SLC25A21: variants seen among roughly 807,000 people sequenced by gnomAD.
The protein encoded by SLC25A21 is solute carrier family 25 member 21.
Under a neutral mutation model 43.8 loss-of-function variants are expected in SLC25A21, and 47 were observed. The ratio of observed to expected loss-of-function variants is 1.07; its 90% CI spans 0.85 to 1.37. SLC25A21 has a LOEUF of 1.37. Among genes scored for constraint, SLC25A21 ranks in the 40% most tolerant of loss-of-function variants. The pLI, the probability that SLC25A21 is intolerant of heterozygous loss-of-function variation, is 0.00. For synonymous variants in SLC25A21, 131 were observed against 121.3 expected (o/e 1.08, Z -0.52); for missense variants, 352 against 350.2 (o/e 1.00, Z -0.04).
At chr14:37,120,304 C>T (rs567378558) in intron 1 of SLC25A21, among the ~76,000 whole-genome samples, 2 of 152,172 alleles carry the variant, frequency 1.3e-5, no homozygotes, top group South Asian at 2.1e-4. Flanking sequence ...GGCTTTAGAC[C>T]TTTTCATAAA....
intron 1 of SLC25A21, among the ~76,000 whole-genome samples, chr14:37,112,173 AG>A (rs757115937): frequency 3.5e-4 from 53 of 152,078 alleles, no homozygotes; most frequent in Non-Finnish European, 2.9e-5. Flanking sequence ...AAAGGATTAA[AG>A]GTGATAGGGC....
chr14:36,893,474 T>G (rs1282761340), intron 1 of SLC25A21, among the ~76,000 whole-genome samples: 1 of 152,190 alleles, frequency 6.6e-6, no homozygotes, highest in African/African-American at 2.4e-5. Flanking sequence ...TTGCAAAAAT[T>G]TTCTCCCATT....
At chr14:36,944,250 C>A (rs1892632212) in intron 1 of SLC25A21, among the ~76,000 whole-genome samples, 1 of 152,096 alleles carries the variant, frequency 6.6e-6, no homozygotes, top group South Asian at 2.1e-4. Flanking sequence ...AAACCCATAG[C>A]CTGCCATTAA....
chr14:36,997,934 C>G (rs1256379844), intron 1 of SLC25A21, among the ~76,000 whole-genome samples: 2 of 152,056 alleles, frequency 1.3e-5, no homozygotes, highest in Non-Finnish European at 2.9e-5. Flanking sequence ...AACGTGATAT[C>G]ATCGTTTTAC....
In SLC25A21 at chr14:36,766,290, T is replaced by C. The variant is rs1356198060; in HGVS notation, c.204-31717A>G. Among the ~76,000 whole-genome samples, 3 of 152,256 alleles carry C rather than the reference T, an allele frequency of 2.0e-5. No homozygotes were observed. In the East Asian group the frequency reaches 5.8e-4, roughly 29 times the overall value. On this transcript the variant is annotated intron_variant, in intron 3 of 9. Transcript: ENST00000331299. The stretch of plus-strand genomic sequence containing the variant: ...TACACCCAGGGAAGGTATTACTTTA[T>C]ACAATATTGTTTTAATTAAAAATAT...
intron 1 of SLC25A21, among the ~76,000 whole-genome samples, chr14:36,964,912 A>G (rs925240604): frequency 9.2e-5 from 14 of 152,124 alleles, no homozygotes; most frequent in Admixed American, 7.2e-4. Flanking sequence ...TGTTTTATTA[A>G]TTTAGTTTTT....
chr14:36,963,576 C>G, intron 1 of SLC25A21, among the ~76,000 whole-genome samples: 1 of 152,166 alleles, frequency 6.6e-6, no homozygotes, highest in East Asian at 1.9e-4. Flanking sequence ...TCTGAACCTT[C>G]TCAGTAGAAG....
intron 6 of SLC25A21, among the ~76,000 whole-genome samples, chr14:36,715,031 A>G (rs1870832745): frequency 6.6e-6 from 1 of 152,244 alleles, no homozygotes; most frequent in African/African-American, 2.4e-5. Flanking sequence ...TGCTGCTGAT[A>G]AATGGCTTAA....
intron 1 of SLC25A21, among the ~76,000 whole-genome samples, chr14:36,959,441 C>G (rs950273718): frequency 1.3e-5 from 2 of 152,162 alleles, no homozygotes; most frequent in Non-Finnish European, 2.9e-5. Flanking sequence ...TGCTGCTTCA[C>G]CTGCTTTTAC....
intron 7 of SLC25A21, among the ~76,000 whole-genome samples, chr14:36,685,356 C>A (rs1416764978): frequency 6.6e-6 from 1 of 152,162 alleles, no homozygotes; most frequent in Non-Finnish European, 1.5e-5. Flanking sequence ...TGTGTGTGGA[C>A]CCCCAAATGT....
intron 1 of SLC25A21, among the ~76,000 whole-genome samples, chr14:36,907,631 T>C (rs1230788430): frequency 2.0e-5 from 3 of 152,134 alleles, no homozygotes; most frequent in African/African-American, 4.8e-5. Flanking sequence ...ATAGGCGTTT[T>C]TGAAGATGGA....
chr14:37,155,287 T>G (rs1963829419), intron 1 of SLC25A21, among the ~76,000 whole-genome samples: 1 of 152,088 alleles, frequency 6.6e-6, no homozygotes. Flanking sequence ...TTCATGACAT[T>G]TGGGGCAACA....
chr14:36,939,611 T>A (rs1892507668), intron 1 of SLC25A21, among the ~76,000 whole-genome samples: 1 of 152,122 alleles, frequency 6.6e-6, no homozygotes. Flanking sequence ...TGCTGTCCTA[T>A]GTGAGAGAAA....
chr14:36,791,679 GA>G (rs1464634061), intron 3 of SLC25A21, among the ~76,000 whole-genome samples: 2 of 152,110 alleles, frequency 1.3e-5, no homozygotes, highest in Non-Finnish European at 2.9e-5. Flanking sequence ...TTATTTTAAG[GA>G]AAAGTTAATA....
chr14:36,856,313 G>A (rs533379418), intron 2 of SLC25A21, among the ~76,000 whole-genome samples: 1 of 152,266 alleles, frequency 6.6e-6, no homozygotes, highest in East Asian at 1.9e-4. Flanking sequence ...TCTCGAGCTT[G>A]TCTTTCTGTA....
intron 1 of SLC25A21, among the ~76,000 whole-genome samples, chr14:37,131,714 G>A (rs1348032323): frequency 6.6e-6 from 1 of 152,154 alleles, no homozygotes; most frequent in Non-Finnish European, 1.5e-5. Context: ...TCTCTCTGTT[G>A]CCCAGGCTGG....
intron 1 of SLC25A21, among the ~76,000 whole-genome samples, chr14:36,995,771 G>GT (rs1818689323): frequency 6.6e-6 from 1 of 152,078 alleles, no homozygotes; most frequent in African/African-American, 2.4e-5. Flanking sequence ...GATTGCCCAG[G>GT]TATCAAGACT....
At chr14:36,999,252 A>G (rs1960436070) in intron 1 of SLC25A21, among the ~76,000 whole-genome samples, 1 of 152,212 alleles carries the variant, frequency 6.6e-6, no homozygotes, top group African/African-American at 2.4e-5. Context: ...TTAAGTCCGT[A>G]TTACTCACTG....
chr14:36,754,501 T>C (rs773609762), intron 3 of SLC25A21, among the ~76,000 whole-genome samples: 10 of 152,168 alleles, frequency 6.6e-5, no homozygotes, highest in Non-Finnish European at 1.2e-4. Context: ...ACACACAATT[T>C]GATTTCATCT....
Sources: allele counts gnomAD v4.1 joint callset (sites outside exome capture counted in the v4.1 genomes callset), GRCh38; gene constraint gnomAD v4.1.1; transcripts MANE v1.5; gene names NCBI Gene and HGNC (gene_info 2026-07-23, HGNC 2026-07-21).